Variants in DEFA6 observed in about 807,000 individuals in gnomAD.
DEFA6 encodes the protein defensin-6.
In DEFA6, 8 loss-of-function variants were observed where a neutral mutation model predicts 5.1. That is an observed-to-expected ratio of 1.57 (90% confidence interval 0.92 to 2.83). DEFA6 has a LOEUF of 2.83. Among genes scored for constraint, DEFA6 ranks in the 30% most tolerant of loss-of-function variants. The pLI is 0.00. For synonymous variants in DEFA6, 74 were observed against 45.3 expected (o/e 1.63, Z -2.54); for missense variants, 191 against 119.1 (o/e 1.60, Z -2.81).
At position 6,925,876 on chromosome 8, in the gene DEFA6, C is replaced by T. The variant is rs891362093; in HGVS notation, c.160G>A (p.Ala54Thr). ...ANDQDFAVSF[A>T]EDASSSLRAL... is the part of the protein sequence containing the mutation. Reference sequence around the variant, plus strand: ...CTAAGACTTGAGCTTGCATCCTCTGCAAAGGAGACGGCAAAGTCCTGGTCA... The same window carrying T: ...CTAAGACTTGAGCTTGCATCCTCTGTAAAGGAGACGGCAAAGTCCTGGTCA... Residue 54 changes from alanine to threonine, a missense_variant, in exon 1 of 2, where the codon GCA becomes ACA. Coordinates refer to ENST00000297436, the MANE Select transcript of DEFA6 (RefSeq NM_001926.4). The T allele has an allele frequency of 6.2e-7, 1 of 1,613,872 alleles. No individual in the cohort carries two copies. Among genetic ancestry groups the T allele is most frequent in the South Asian group, 1.1e-5 (1 of 91,002 alleles).
Position 6,924,707 on chromosome 8 carries a change from G to T in DEFA6, c.*111C>A. On this transcript the variant is annotated 3_prime_UTR_variant, in exon 2 of 2. Transcript: ENST00000297436. The stretch of plus-strand genomic sequence containing the variant: ...CAAACACAAAAGAACTTGCTGAAAG[G>T]ACTTTATTTGAGATGAGGAAACAAA... The T allele has an allele frequency of 5.0e-6, 3 of 600,222 alleles. No homozygotes were observed. The highest frequency in any genetic ancestry group is 3.7e-5 in the South Asian group (1 of 26,794). 37.2% of individuals were successfully genotyped at this position (600,222 alleles called of 1,614,324 possible). A position where few individuals can be genotyped will look rare whatever the true frequency, so the allele number is the denominator to read the frequency against.
At chr8:6,925,809 A>C (rs200345024) in intron 1 of DEFA6, 34 bp downstream of exon 1, 1 of 1,559,918 alleles carries the variant, frequency 6.4e-7, no homozygotes, top group Admixed American at 1.9e-5. Flanking sequence ...TTTCCTCTCT[A>C]CACTCCTAGC....
chr8:6,926,024 G>A lies in DEFA6; in HGVS notation c.12C>T (p.Leu4=), dbSNP rs373665080. Residue 4 remains leucine, a synonymous_variant, in exon 1 of 2, where the codon CTC becomes CTT. Transcript: ENST00000297436. The part of the protein sequence containing the change: MRT[L]TILTAVLLVA... Reference sequence around the variant, plus strand: ...CGAGGAGAACAGCAGTGAGGATGGTGAGGGTTCTCATGGCTAGGGTCGCTG... The same window carrying A: ...CGAGGAGAACAGCAGTGAGGATGGTAAGGGTTCTCATGGCTAGGGTCGCTG... The A allele has an allele frequency of 2.5e-6, 4 of 1,610,420 alleles. No homozygotes were observed. The highest frequency in any genetic ancestry group is 3.4e-6 in the Non-Finnish European group (4 of 1,178,734).
chr8:6,925,115 C>G lies in DEFA6; in HGVS notation c.194-188G>C, dbSNP rs555416830. On this transcript the variant is annotated intron_variant, in intron 1 of 1. Coordinates refer to ENST00000297436, the MANE Select transcript of DEFA6 (RefSeq NM_001926.4). ...GTTGGTCACACACAGGATTAGAGAG[C>G]CATTCTGATATGCTGTACTTATCTG... Among the ~76,000 whole-genome samples, 4 of 152,260 alleles carry G rather than the reference C, an allele frequency of 2.6e-5. No homozygotes were observed. In the South Asian group the frequency reaches 8.3e-4, roughly 32 times the overall value.
chr8:6,924,842 A>T lies in DEFA6; in HGVS notation c.279T>A (p.Ile93=). ...YSYGTCTVMG[I]NHRFCCL ...CTCAGAGGCAGCAGAATCTGTGGTT[A>T]ATACCCATGACAGTGCAGGTCCCAT... Residue 93 remains isoleucine (I), a synonymous_variant, in exon 2 of 2, where the codon ATT becomes ATA. Transcript: ENST00000297436. 6.2e-7 allele frequency: 1 copy of T among 1,608,082 alleles called. No homozygotes were observed. The highest frequency in any genetic ancestry group is 8.5e-7 in the Non-Finnish European group (1 of 1,175,116).
Position 6,924,744 on chromosome 8 carries a change from T to C in DEFA6, c.*74A>G. The C allele has an allele frequency of 1.1e-6, 1 of 919,072 alleles. No homozygotes were observed. Among genetic ancestry groups the C allele is most frequent in the South Asian group, 2.5e-5 (1 of 40,622 alleles). The allele number at this position is 919,072 out of a possible 1,614,324, so 56.9% of individuals were successfully genotyped here. On this transcript the variant is annotated 3_prime_UTR_variant, in exon 2 of 2. Coordinates refer to ENST00000297436, the MANE Select transcript of DEFA6 (RefSeq NM_001926.4). ...GATGAGGAAACAAAGTTGATGGCAA[T>C]GTATAGGACACACGACAGTTTCCTT...
At position 6,925,889 on chromosome 8, in the gene DEFA6, A is replaced by T; in HGVS notation, c.147T>A (p.Phe49Leu). The change falls in exon 1 of 2, where the codon TTT (phenylalanine) becomes TTA (leucine). Residue 49 changes from phenylalanine (F) to leucine (L), a missense_variant. Phe to Leu is a conservative substitution (Grantham distance 22). Transcript: ENST00000297436. ...TTGCATCCTCTGCAAAGGAGACGGC[A>T]AAGTCCTGGTCATTTGCCCCACGCT... ...QEQRGANDQD[F>L]AVSFAEDASS... The T allele has an allele frequency of 6.2e-7, 1 of 1,614,108 alleles. No individual in the cohort carries two copies. The highest frequency in any genetic ancestry group is 8.5e-7 in the Non-Finnish European group (1 of 1,180,026).
At chr8:6,925,207 A>G (rs552169087) in intron 1 of DEFA6, among the ~76,000 whole-genome samples, 2 of 152,220 alleles carry the variant, frequency 1.3e-5, no homozygotes, top group Admixed American at 6.5e-5. Context: ...AACGGTTCCT[A>G]TAAAAGTCAG....
intron 1 of DEFA6, 59 bp downstream of exon 1, chr8:6,925,784 C>G (rs1808413589): frequency 4.8e-6 from 7 of 1,473,428 alleles, no homozygotes; most frequent in African/African-American, 2.8e-5. Flanking sequence ...GGATCTAATT[C>G]TAGAAGTGCT....
intron 1 of DEFA6, among the ~76,000 whole-genome samples, chr8:6,925,285 C>T (rs1808392699): frequency 6.6e-6 from 1 of 152,060 alleles, no homozygotes; most frequent in Admixed American, 6.6e-5. Flanking sequence ...CTTTGGGAGG[C>T]CAAGGTGGGT....
Position 6,925,330 on chromosome 8 carries a change from C to T in DEFA6, c.194-403G>A, listed in dbSNP as rs534357093. ...GGTCAGGAGTTCAAGACTAGCCTGG[C>T]CAAGATGGTGAAACCCCGTCTCTAC... is the stretch of plus-strand genomic sequence containing the variant. On this transcript the variant is annotated intron_variant, in intron 1 of 1. Coordinates refer to ENST00000297436, the MANE Select transcript of DEFA6 (RefSeq NM_001926.4). Among the ~76,000 whole-genome samples, 6 of 151,344 alleles carry T rather than the reference C, an allele frequency of 4.0e-5. No homozygotes were observed. The South Asian group carries it at 1.0e-3, about 26-fold the overall frequency.
chr8:6,925,467 C>T (rs921705950), intron 1 of DEFA6, among the ~76,000 whole-genome samples: 2 of 152,120 alleles, frequency 1.3e-5, no homozygotes. Context: ...GCAGAGGTTG[C>T]AGTGATCTGA....
chr8:6,925,868 A>G lies in DEFA6; in HGVS notation c.168T>C (p.Asp56=), dbSNP rs199502585. 1 of 1,613,786 alleles carries G rather than the reference A, an allele frequency of 6.2e-7. No homozygotes were observed. Among genetic ancestry groups the G allele is most frequent in the Non-Finnish European group, 8.5e-7 (1 of 1,179,880 alleles). Reference sequence around the variant, plus strand: ...CCAAAGCTCTAAGACTTGAGCTTGCATCCTCTGCAAAGGAGACGGCAAAGT... The same window carrying G: ...CCAAAGCTCTAAGACTTGAGCTTGCGTCCTCTGCAAAGGAGACGGCAAAGT... ...DQDFAVSFAE[D]ASSSLRALGS... is the part of the protein sequence containing the mutation. Residue 56 remains aspartate, a synonymous_variant, in exon 1 of 2, where the codon GAT becomes GAC. Transcript: ENST00000297436.
Position 6,925,976 on chromosome 8 carries a change from C to T in DEFA6, c.60G>A (p.Glu20=). ...VLLVALQAKA[E]PLQAEDDPLQ... is the part of the protein sequence containing the mutation. ...GTGGATCATCCTCAGCTTGGAGTGGCTCAGCCTTGGCCTGGAGGGCCACGA... is the reference window on the plus strand; with the variant it reads ...GTGGATCATCCTCAGCTTGGAGTGGTTCAGCCTTGGCCTGGAGGGCCACGA... The change falls in exon 1 of 2, where the codon GAG becomes GAA. Residue 20 remains glutamate, a synonymous_variant. Transcript: ENST00000297436. 1 of 1,613,856 alleles carries T rather than the reference C, an allele frequency of 6.2e-7. No individual in the cohort carries two copies. The highest frequency in any genetic ancestry group is 8.5e-7 in the Non-Finnish European group (1 of 1,179,926).
At chr8:6,925,448 A>G (rs1417795292) in intron 1 of DEFA6, among the ~76,000 whole-genome samples, 1 of 152,096 alleles carries the variant, frequency 6.6e-6, no homozygotes, top group Admixed American at 6.6e-5. Flanking sequence ...AATTGCGTGA[A>G]CCCAGGAGGC....
In DEFA6 at chr8:6,924,928, C is replaced by T. The variant is rs1006157231; in HGVS notation, c.194-1G>A. 60 of 1,600,688 alleles carry T rather than the reference C, an allele frequency of 3.7e-5. No homozygotes were observed. The highest frequency in any genetic ancestry group is 4.7e-5 in the Non-Finnish European group (55 of 1,169,326). Reference sequence around the variant, plus strand: ...TGGCAAGTGAAAGCCCTTGTTGAGCCTGGGGACAGAGAGAGAGAGCATCAG... The same window carrying T: ...TGGCAAGTGAAAGCCCTTGTTGAGCTTGGGGACAGAGAGAGAGAGCATCAG... On this transcript the variant is annotated splice_acceptor_variant, in intron 1 of 1. Transcript: ENST00000297436. LOFTEE classifies it high-confidence loss of function.
intron 1 of DEFA6, among the ~76,000 whole-genome samples, chr8:6,925,352 C>T (rs892339725): frequency 1.3e-4 from 11 of 81,612 alleles, no homozygotes; most frequent in Non-Finnish European, 2.3e-4. Flanking sequence ...AACCCCGTCT[C>T]TACTGAAAAA....
intron 1 of DEFA6, among the ~76,000 whole-genome samples, chr8:6,925,463 G>T (rs60856888): frequency 0.011 from 1,613 of 152,276 alleles, 33 homozygotes; most frequent in African/African-American, 0.036. Flanking sequence ...GGAGGCAGAG[G>T]TTGCAGTGAT....
At position 6,925,852 on chromosome 8, in the gene DEFA6, T is replaced by C. The variant is rs1808416491; in HGVS notation, c.184A>G (p.Arg62Gly). ...SFAEDASSSLRALGSTRAFTC... is the reference protein window; with the variant it reads ...SFAEDASSSLGALGSTRAFTC... ...TGCTGGTGTCTCTTACCCAAAGCTC[T>C]AAGACTTGAGCTTGCATCCTCTGCA... Residue 62 changes from arginine to glycine, a missense_variant, in exon 1 of 2, where the codon AGA (arginine) becomes GGA (glycine). Transcript: ENST00000297436. 1 of 1,612,512 alleles carries C rather than the reference T, an allele frequency of 6.2e-7. No individual in the cohort carries two copies. The highest frequency in any genetic ancestry group is 8.5e-7 in the Non-Finnish European group (1 of 1,179,326).
Sources: gnomAD v4.1 joint callset for allele counts (sites outside exome capture counted in the v4.1 genomes callset) on GRCh38, gnomAD v4.1.1 for gene constraint, MANE v1.5 for transcripts, NCBI Gene and HGNC (gene_info 2026-07-23, HGNC 2026-07-21) for gene names.